PLS1: variants seen among roughly 807,000 people sequenced by gnomAD.
The protein encoded by PLS1 is plastin-1.
A neutral mutation model predicts 73.7 loss-of-function variants in PLS1; 32 were observed. The observed-to-expected ratio is 0.43, with a 90% CI of 0.33 to 0.58. The LOEUF (loss-of-function observed/expected upper bound fraction) is 0.58, where lower values mean the gene tolerates loss of function less well. Ranked by LOEUF, PLS1 falls within the 20% of genes least tolerant of loss-of-function variation. The pLI is 0.04. For missense variants in PLS1, 633 were observed against 740.5 expected, an observed-to-expected ratio of 0.85 and a Z score of 1.68; for synonymous variants, 217 against 261.3, an observed-to-expected ratio of 0.83 and a Z score of 1.63.
intron 1 of PLS1, among the ~76,000 whole-genome samples, chr3:142,652,663 A>G (rs183083156): frequency 6.6e-6 from 1 of 152,308 alleles, no homozygotes; most frequent in Admixed American, 6.5e-5. Context: ...TTCCTCACTG[A>G]TCACTTGAAG....
chr3:142,603,079 G>A (rs2035956315), intron 1 of PLS1, among the ~76,000 whole-genome samples: 1 of 152,198 alleles, frequency 6.6e-6, no homozygotes. Flanking sequence ...CATTTGTGCT[G>A]CATACGGGTT....
At chr3:142,611,228 T>A (rs1039561823) in intron 1 of PLS1, among the ~76,000 whole-genome samples, 1 of 152,248 alleles carries the variant, frequency 6.6e-6, no homozygotes, top group African/African-American at 2.4e-5. Flanking sequence ...AAGCAGGCAG[T>A]GGACCAGATT....
At chr3:142,628,340 T>TGC (rs949424654) in intron 1 of PLS1, among the ~76,000 whole-genome samples, 4 of 29,104 alleles carry the variant, frequency 1.4e-4, no homozygotes, top group Non-Finnish European at 2.6e-4. Flanking sequence ...TGTGTGTGTG[T>TGC]GCGCGCACAT....
intron 1 of PLS1, among the ~76,000 whole-genome samples, chr3:142,643,663 G>C (rs16852481): frequency 1.3e-5 from 2 of 152,014 alleles, no homozygotes; most frequent in Non-Finnish European, 2.9e-5. Context: ...AACTAGCATT[G>C]GTCTTCTAAT....
chr3:142,630,502 C>T (rs902512726), intron 1 of PLS1, among the ~76,000 whole-genome samples: 2 of 151,746 alleles, frequency 1.3e-5, no homozygotes, highest in Middle Eastern at 3.2e-3. Context: ...CCTGTAATCC[C>T]AGCACTTTGG....
chr3:142,628,004 A>C (rs746588827), intron 1 of PLS1: 10 of 152,206 alleles, frequency 6.6e-5, no homozygotes, highest in Non-Finnish European at 1.2e-4. Flanking sequence ...AGAACCATGT[A>C]CAGAAAGAAT....
chr3:142,614,957 A>G (rs554202789), intron 1 of PLS1, among the ~76,000 whole-genome samples: 98 of 152,308 alleles, frequency 6.4e-4, no homozygotes, highest in Non-Finnish European at 1.2e-3. Flanking sequence ...GCCTGGCTAT[A>G]CTACGGGTCT....
chr3:142,686,213 C>A, intron 8 of PLS1, 71 bp from the exon 9 acceptor site: 1 of 877,462 alleles, frequency 1.1e-6, no homozygotes. Flanking sequence ...TCAGTTTGAG[C>A]ACTTGTTTTC....
chr3:142,707,013 G>T (rs1560079353), intron 14 of PLS1, among the ~76,000 whole-genome samples: 1 of 152,166 alleles, frequency 6.6e-6, no homozygotes, highest in Non-Finnish European at 1.5e-5. Context: ...TGAATAAAAG[G>T]GTTGAGAAAT....
chr3:142,704,604 A>G lies in PLS1; in HGVS notation c.1629+18A>G. 1.3e-6 allele frequency: 2 copies of G among 1,494,236 alleles called. No individual in the cohort carries two copies. The highest frequency in any genetic ancestry group is 2.2e-5 in the Admixed American group (1 of 44,530). The allele number at this position is 1,494,236 out of a possible 1,614,324, so 92.6% of individuals were successfully genotyped here. ...GCTTCAAGGTAATCAAGAGTCCTAA[A>G]AAAAATTTTTTTTTGTAGGTATAGG... On this transcript the variant is annotated intron_variant, in intron 14 of 15. Transcript: ENST00000457734.
intron 15 of PLS1, 30 bp downstream of exon 15, chr3:142,711,655 A>T (rs187461136): frequency 6.4e-7 from 1 of 1,558,072 alleles, no homozygotes; most frequent in South Asian, 1.2e-5. Context: ...ATTACAATAC[A>T]TGGCCCTTTA....
At chr3:142,603,627 C>A (rs1560025825) in intron 1 of PLS1, among the ~76,000 whole-genome samples, 1 of 152,074 alleles carries the variant, frequency 6.6e-6, no homozygotes, top group African/African-American at 2.4e-5. Context: ...AAAAAATTAT[C>A]TGGGCATGGT....
intron 1 of PLS1, among the ~76,000 whole-genome samples, chr3:142,619,909 T>A (rs13324817): frequency 1.3e-5 from 2 of 152,110 alleles, no homozygotes; most frequent in African/African-American, 4.8e-5. Flanking sequence ...GACTTTTTTC[T>A]TCTATTTTTT....
intron 1 of PLS1, among the ~76,000 whole-genome samples, chr3:142,635,956 C>G (rs1210751333): frequency 5.3e-5 from 8 of 152,154 alleles, no homozygotes; most frequent in Admixed American, 3.9e-4. Flanking sequence ...GTGGCATCAT[C>G]ATAGCTCACT....
chr3:142,700,992 T>C (rs1418261295), intron 12 of PLS1, among the ~76,000 whole-genome samples: 3 of 152,344 alleles, frequency 2.0e-5, no homozygotes, highest in East Asian at 3.9e-4. Flanking sequence ...CATGATTCTA[T>C]GGCCTTCCCA....
At chr3:142,611,088 T>C (rs1274585353) in intron 1 of PLS1, among the ~76,000 whole-genome samples, 3 of 152,266 alleles carry the variant, frequency 2.0e-5, no homozygotes, top group Non-Finnish European at 4.4e-5. Flanking sequence ...TGTCTTCCAA[T>C]AAACTTTATT....
chr3:142,597,194 A>G (rs6440093), intron 1 of PLS1: 98,074 of 152,018 alleles, frequency 0.65, 33,124 homozygotes, highest in African/African-American at 0.86. Context: ...CTTACTTACT[A>G]TGTCACATTT....
chr3:142,649,249 T>G (rs2037026130), intron 1 of PLS1, among the ~76,000 whole-genome samples: 1 of 149,276 alleles, frequency 6.7e-6, no homozygotes, highest in South Asian at 2.1e-4. Context: ...CTGAGGTGGA[T>G]CATCTGAGCC....
In PLS1 at chr3:142,711,900, G is replaced by A. The variant is rs548061637; in HGVS notation, c.1783G>A (p.Gly595Ser). 29 of 1,613,498 alleles carry A rather than the reference G, an allele frequency of 1.8e-5. No individual in the cohort carries two copies. The highest frequency in any genetic ancestry group is 6.7e-5 in the Admixed American group (4 of 60,002). The change falls in exon 16 of 16, where the codon GGT becomes AGT. Residue 595 changes from glycine to serine, a missense_variant. Physicochemically the swap from Gly to Ser is moderately conservative, Grantham distance 56 (BLOSUM62 0). Coordinates refer to ENST00000457734, the MANE Select transcript of PLS1 (RefSeq NM_001145319.2). ...KYAISVARKI[G>S]ARIYALPDDL... Reference sequence around the variant, plus strand: ...CGCCATTTCAGTTGCTCGAAAGATCGGTGCCCGGATATATGCATTACCTGA... The same window carrying A: ...CGCCATTTCAGTTGCTCGAAAGATCAGTGCCCGGATATATGCATTACCTGA...
Sources: allele counts gnomAD v4.1 joint callset (sites outside exome capture counted in the v4.1 genomes callset), GRCh38; gene constraint gnomAD v4.1.1; transcripts MANE v1.5; gene names NCBI Gene and HGNC (gene_info 2026-07-23, HGNC 2026-07-21).